CLDN19: variants seen among roughly 807,000 people sequenced by gnomAD.
CLDN19 encodes the protein claudin 19, also known as claudin-19.
In CLDN19, 19 loss-of-function variants were observed where a neutral mutation model predicts 24.5. That is an observed-to-expected ratio of 0.78 (90% CI 0.54 to 1.14). The LOEUF (loss-of-function observed/expected upper bound fraction) is 1.14. Among genes scored for constraint, CLDN19 ranks in the 50% most tolerant of loss-of-function variants. The pLI, the probability that CLDN19 is intolerant of heterozygous loss-of-function variation, is 0.00. For missense variants in CLDN19, 250 were observed against 295.9 expected, an observed-to-expected ratio of 0.84 and a Z score of 1.14; for synonymous variants, 117 against 129.6, an observed-to-expected ratio of 0.90 and a Z score of 0.66.
chr1:42,738,675 G>A (rs1301389060), intron 1 of CLDN19, 90 bp from the exon 2 acceptor site: 1 of 1,341,550 alleles, frequency 7.5e-7, no homozygotes, highest in South Asian at 1.3e-5. Flanking sequence ...CAGCTTGAGA[G>A]GGGCTTGAGC....
At chr1:42,737,829 C>T (rs550684878) in intron 3 of CLDN19, among the ~76,000 whole-genome samples, 4 of 152,200 alleles carry the variant, frequency 2.6e-5, no homozygotes, top group Non-Finnish European at 5.9e-5. Flanking sequence ...ATTACAGGCG[C>T]CCGCCACCAT....
intron 1 of CLDN19, among the ~76,000 whole-genome samples, chr1:42,739,044 A>G (rs1255942299): frequency 6.6e-6 from 1 of 152,058 alleles, no homozygotes; most frequent in Non-Finnish European, 1.5e-5. Context: ...CCCTCTGCCC[A>G]TGGCAGCTGG....
chr1:42,739,367 CGT>C (rs1651477320), intron 1 of CLDN19, among the ~76,000 whole-genome samples: 1 of 152,214 alleles, frequency 6.6e-6, no homozygotes. Flanking sequence ...TGCATGTGCA[CGT>C]GTGTGCGTGT....
intron 4 of CLDN19, 47 bp from the exon 5 acceptor site, chr1:42,735,181 G>GT: frequency 6.2e-7 from 1 of 1,611,988 alleles, no homozygotes; most frequent in Non-Finnish European, 8.5e-7. Context: ...GAGCTGTGGG[G>GT]TCGGGGGCAG....
Position 42,734,879 on chromosome 1 carries a change from C to T in CLDN19, c.*207G>A, listed in dbSNP as rs1007966109. The T allele has an allele frequency of 1.7e-6, 1 of 605,216 alleles. No homozygotes were observed. The allele number at this position is 605,216 out of a possible 1,614,324, so 37.5% of individuals were successfully genotyped here. On this transcript the variant is annotated 3_prime_UTR_variant, in exon 5 of 5. Transcript: ENST00000296387. ...TTAGCCCTGGATGTGCTATGTAACCCACCCTGGACCTCTGTCTCCTCATCT... is the reference window on the plus strand; with the variant it reads ...TTAGCCCTGGATGTGCTATGTAACCTACCCTGGACCTCTGTCTCCTCATCT...
At chr1:42,739,076 C>T (rs1407557512) in intron 1 of CLDN19, among the ~76,000 whole-genome samples, 1 of 152,138 alleles carries the variant, frequency 6.6e-6, no homozygotes, top group Non-Finnish European at 1.5e-5. Flanking sequence ...TTCACGGGTG[C>T]ATGGGTCCAT....
chr1:42,735,283 G>T, intron 4 of CLDN19, 149 bp from the exon 5 acceptor site: 1 of 1,528,068 alleles, frequency 6.5e-7, no homozygotes, highest in South Asian at 1.2e-5. Context: ...ATTCCCGGGG[G>T]CAGGGGCGCC....
At chr1:42,735,576 G>T in intron 4 of CLDN19, 1 of 1,422,198 alleles carries the variant, frequency 7.0e-7, no homozygotes, top group Non-Finnish European at 9.2e-7. Context: ...CAGCCGGGCT[G>T]GTGCCTGAGG....
chr1:42,737,769 G>A (rs912694312), intron 3 of CLDN19, among the ~76,000 whole-genome samples: 5 of 152,194 alleles, frequency 3.3e-5, no homozygotes, highest in African/African-American at 1.2e-4. Context: ...TGCAACTTTT[G>A]CCTCCCGGGT....
At chr1:42,738,715 T>G in intron 1 of CLDN19, 130 bp from the exon 2 acceptor site, 1 of 792,980 alleles carries the variant, frequency 1.3e-6, no homozygotes, top group Non-Finnish European at 2.1e-6. Flanking sequence ...CAGACCACCT[T>G]CTGGCAGGTG....
chr1:42,735,568 G>C (rs1192984336), intron 4 of CLDN19: 1 of 1,422,618 alleles, frequency 7.0e-7, no homozygotes, highest in African/African-American at 1.4e-5. Context: ...TGAGTAAACA[G>C]CCGGGCTGGT....
intron 3 of CLDN19, among the ~76,000 whole-genome samples, chr1:42,736,493 G>A (rs1651379174): frequency 6.6e-6 from 1 of 151,990 alleles, no homozygotes. Flanking sequence ...TCCACACCCA[G>A]ACCCTGCTGG....
At chr1:42,735,519 A>G (rs1651330755) in intron 4 of CLDN19, 3 of 1,414,856 alleles carry the variant, frequency 2.1e-6, no homozygotes, top group Non-Finnish European at 2.8e-6. Flanking sequence ...CTCTATCTCT[A>G]GGGCCCAGCA....
In CLDN19 at chr1:42,738,796, C is replaced by T. The variant is rs540820015; in HGVS notation, c.224-211G>A. ...GGGTGAGAGTCCCCTTCACTGTCAA[C>T]GCCATTCTCCACTCGCCCTTGCAGG... On this transcript the variant is annotated intron_variant, in intron 1 of 4. Transcript: ENST00000296387. 2.0e-5 allele frequency among the ~76,000 whole-genome samples: 3 copies of T among 152,190 alleles called. 1 individual carries two copies. Among genetic ancestry groups the T allele is most frequent in the African/African-American group, 7.2e-5 (3 of 41,522 alleles).
rs571067526 is a variant in CLDN19, at chr1:42,739,850, C to G, written c.214G>C (p.Ala72Pro). Residue 72 changes from alanine to proline, a missense_variant, in exon 1 of 5, where the codon GCC (alanine) becomes CCC (proline). Physicochemically the swap from Ala to Pro is conservative, Grantham distance 27 (BLOSUM62 -1). Transcript: ENST00000296387. ...CCGGCCTGGGGCCTACCGTCCAGGGCGAGCAGCGAGTCGTAGAGCTTGCAC... is the reference window on the plus strand; with the variant it reads ...CCGGCCTGGGGCCTACCGTCCAGGGGGAGCAGCGAGTCGTAGAGCTTGCAC... ...VQCKLYDSLLALDGHIQSARA... is the reference protein window; with the variant it reads ...VQCKLYDSLLPLDGHIQSARA... 1 of 1,612,838 alleles carries G rather than the reference C, an allele frequency of 6.2e-7. No homozygotes were observed. Among genetic ancestry groups the G allele is most frequent in the South Asian group, 1.1e-5 (1 of 90,944 alleles).
intron 1 of CLDN19, among the ~76,000 whole-genome samples, chr1:42,739,270 C>T (rs1651472570): frequency 6.6e-6 from 1 of 152,208 alleles, no homozygotes; most frequent in African/African-American, 2.4e-5. Flanking sequence ...ACCTCCACCC[C>T]AGAGTTAGAA....
Position 42,735,348 on chromosome 1 carries a change from G to A in CLDN19, c.627-214C>T, listed in dbSNP as rs547115625. ...GCCCCCAGCCCTGGGCGCACTGGAA[G>A]AACCTGAGACCTAAACTCAGACCCT... On this transcript the variant is annotated intron_variant, in intron 4 of 4. Transcript: ENST00000296387. The A allele has an allele frequency of 1.1e-5, 16 of 1,449,524 alleles. No individual in the cohort carries two copies. In the African/African-American group the frequency reaches 2.1e-4, roughly 19 times the overall value. The allele number at this position is 1,449,524 out of a possible 1,614,324, so 89.8% of individuals were successfully genotyped here. A position where few individuals can be genotyped will look rare whatever the true frequency, so the allele number is the denominator to read the frequency against.
At position 42,738,431 on chromosome 1, in the gene CLDN19, G is replaced by C; in HGVS notation, c.378C>G (p.Phe126Leu). The change falls in exon 2 of 5, where the codon TTC (phenylalanine) becomes TTG (leucine). Residue 126 changes from phenylalanine (F) to leucine (L), a missense_variant. Physicochemically the swap from Phe to Leu is conservative, Grantham distance 22. Coordinates refer to ENST00000296387, the MANE Select transcript of CLDN19 (RefSeq NM_148960.3). ...GTGAGGGGCACTCACCTGCCAGGAT[G>C]AAGAGGGCTCCCCCGGCGATGGCAA... ...GRVAIAGGAL[F>L]ILAGLCTLTA... The C allele has an allele frequency of 6.2e-7, 1 of 1,614,020 alleles. No individual in the cohort carries two copies. Among genetic ancestry groups the C allele is most frequent in the Non-Finnish European group, 8.5e-7 (1 of 1,180,048 alleles).
intron 3 of CLDN19, among the ~76,000 whole-genome samples, chr1:42,737,221 G>A (rs1345184116): frequency 6.6e-6 from 1 of 152,164 alleles, no homozygotes. Flanking sequence ...ATATCAGCCT[G>A]CTTTCCACTG....
Sources: gnomAD v4.1 joint callset for allele counts (sites outside exome capture counted in the v4.1 genomes callset) on GRCh38, gnomAD v4.1.1 for gene constraint, MANE v1.5 for transcripts, NCBI Gene and HGNC (gene_info 2026-07-23, HGNC 2026-07-21) for gene names.